Variants in ARSG observed in about 807,000 individuals in gnomAD.
ARSG encodes the protein arylsulfatase G, also known as ASG.
ARSG carries 37 observed loss-of-function variants against 50.5 expected under a neutral mutation model. The ratio of observed to expected loss-of-function variants is 0.73; its 90% confidence interval spans 0.56 to 0.96. The LOEUF (loss-of-function observed/expected upper bound fraction) is 0.96. ARSG is among the 50% of genes least tolerant of loss of function. ARSG has a pLI of 0.00. For missense variants in ARSG, 629 were observed against 675.3 expected, an observed-to-expected ratio of 0.93 and a Z score of 0.76; for synonymous variants, 225 against 254.6, an observed-to-expected ratio of 0.88 and a Z score of 1.11.
rs1330909474 is a variant in ARSG, at chr17:68,378,830, A to G, written c.983-6234A>G. Among the ~76,000 whole-genome samples, 1 of 150,142 alleles carries G rather than the reference A, an allele frequency of 6.7e-6. No homozygotes were observed. The highest frequency in any genetic ancestry group is 2.5e-5 in the African/African-American group (1 of 40,678). ...TGAATTTGGCATCCAGGCTCCTAGG[A>G]GACCTTGGTTGTTTGTAATTTGATG... On this transcript the variant is annotated intron_variant, in intron 8 of 11. Coordinates refer to ENST00000621439, the MANE Select transcript of ARSG (RefSeq NM_001267727.2). This position sits in a 1 kb window ranked among gnomAD's most constrained non-coding sequence, Gnocchi z 4.4.
At chr17:68,343,875 T>G in intron 3 of ARSG, 84 bp downstream of exon 3, 1 of 1,361,122 alleles carries the variant, frequency 7.3e-7, no homozygotes, top group Non-Finnish European at 1.0e-6. Context: ...ACTCCCTGTC[T>G]GCTTTCCTGT....
intron 6 of ARSG, among the ~76,000 whole-genome samples, chr17:68,358,976 A>C (rs1049729430): frequency 6.6e-6 from 1 of 152,124 alleles, no homozygotes; most frequent in Non-Finnish European, 1.5e-5. Context: ...ATCCTGGCTA[A>C]CACGATGAAA....
At chr17:68,359,171 A>G (rs543858228) in intron 6 of ARSG, among the ~76,000 whole-genome samples, 6 of 151,908 alleles carry the variant, frequency 3.9e-5, no homozygotes, top group Non-Finnish European at 8.8e-5. Flanking sequence ...TCAAAACGAC[A>G]ACAACAACAA....
chr17:68,414,396 A>T (rs2082240785), intron 11 of ARSG, among the ~76,000 whole-genome samples: 1 of 152,090 alleles, frequency 6.6e-6, no homozygotes, highest in Admixed American at 6.5e-5. Flanking sequence ...ATTATGGTGA[A>T]TTATCTTTTT....
At chr17:68,262,160 C>T (rs1396215956) in intron 1 of ARSG, among the ~76,000 whole-genome samples, 1 of 93,364 alleles carries the variant, frequency 1.1e-5, no homozygotes, top group Non-Finnish European at 2.0e-5. Context: ...CCATCTCAAA[C>T]GAAAACAAAC....
chr17:68,356,874 C>G, intron 6 of ARSG, 70 bp downstream of exon 6: 1 of 1,595,104 alleles, frequency 6.3e-7, no homozygotes, highest in Non-Finnish European at 8.6e-7. Context: ...CACCATGTCC[C>G]TTGGCCTCAG....
intron 2 of ARSG, among the ~76,000 whole-genome samples, chr17:68,312,175 T>C (rs2145686331): frequency 6.6e-6 from 1 of 152,206 alleles, no homozygotes; most frequent in African/African-American, 2.4e-5. Flanking sequence ...ACCTCCCTCC[T>C]AGCTCTGGAC....
At chr17:68,429,627 C>T in the ARSG span, among the ~76,000 whole-genome samples, 29 of 152,042 alleles carry the variant, frequency 1.9e-4, no homozygotes, top group African/African-American at 5.3e-4. Flanking sequence ...CTTGCTCTGT[C>T]GCCCAGGCTG....
intron 2 of ARSG, among the ~76,000 whole-genome samples, chr17:68,320,363 T>A (rs1393882584): frequency 6.6e-6 from 1 of 150,956 alleles, no homozygotes; most frequent in Non-Finnish European, 1.5e-5. Context: ...AGTCAAGAGG[T>A]CATGAGTAAA....
intron 1 of ARSG, among the ~76,000 whole-genome samples, chr17:68,260,199 G>A (rs2075050921): frequency 1.1e-4 from 16 of 152,198 alleles, no homozygotes; most frequent in Admixed American, 1.0e-3. Context: ...ACACAAGCCT[G>A]CAGCAGCCGA....
intron 7 of ARSG, among the ~76,000 whole-genome samples, chr17:68,369,825 G>T (rs761863859): frequency 2.2e-4 from 33 of 152,096 alleles, no homozygotes; most frequent in Non-Finnish European, 3.2e-4. Context: ...CAATGAGATT[G>T]CTGAAACCTT....
At chr17:68,286,982 CTTTTTG>C (rs1293929941), upstream of ARSG, among the ~76,000 whole-genome samples, 2 of 152,068 alleles carry the variant, frequency 1.3e-5, no homozygotes, top group African/African-American at 2.4e-5. Flanking sequence ...AGATGGTGGA[CTTTTTG>C]TTTTTGTTTT....
chr17:68,397,007 T>C lies in ARSG; in HGVS notation c.1212+1814T>C, dbSNP rs117552482. ...TTATTACCATGGCTGCTAGGAATAA[T>C]TGGGGTCATCAGGAAGTGCTTCAAG... On this transcript the variant is annotated intron_variant, in intron 10 of 11. Coordinates refer to ENST00000621439, the MANE Select transcript of ARSG (RefSeq NM_001267727.2). Among the ~76,000 whole-genome samples, 45 of 152,284 alleles carry C rather than the reference T, an allele frequency of 3.0e-4. No homozygotes were observed. The East Asian group carries it at 7.3e-3, about 25-fold the overall frequency.
intron 4 of ARSG, among the ~76,000 whole-genome samples, chr17:68,348,757 A>G (rs1387053417): frequency 6.6e-6 from 1 of 152,056 alleles, no homozygotes; most frequent in Non-Finnish European, 1.5e-5. Flanking sequence ...TGGAGAAGAG[A>G]TAGAATGAAG....
intron 2 of ARSG, among the ~76,000 whole-genome samples, chr17:68,334,200 G>A (rs938538966): frequency 6.6e-6 from 1 of 152,170 alleles, no homozygotes; most frequent in Non-Finnish European, 1.5e-5. Context: ...GCCAGGCCAG[G>A]CTTCCAGATG....
At chr17:68,348,778 GA>G (rs368708006) in intron 4 of ARSG, among the ~76,000 whole-genome samples, 89 of 152,236 alleles carry the variant, frequency 5.8e-4, no homozygotes, top group African/African-American at 2.1e-3. Context: ...GAGGAAGTCG[GA>G]AAAAAACTTC....
intron 8 of ARSG, among the ~76,000 whole-genome samples, chr17:68,380,231 C>G (rs2080366822): frequency 6.6e-6 from 1 of 150,588 alleles, no homozygotes; most frequent in African/African-American, 2.4e-5. Flanking sequence ...CTTCCTTTCT[C>G]TCTTTCTTTC....
In ARSG at chr17:68,307,363, T is replaced by C; in HGVS notation, c.-131T>C. On this transcript the variant is annotated 5_prime_UTR_variant, in exon 2 of 12. Transcript: ENST00000621439. ...ACTGCCATCACCACTGCCACCAGCA[T>C]CTTCTTGCAGATTCCACCCCTGCTC... The C allele has an allele frequency of 2.8e-6, 2 of 703,884 alleles. No individual in the cohort carries two copies. Among genetic ancestry groups the C allele is most frequent in the East Asian group, 5.1e-5 (2 of 39,344 alleles). The allele number at this position is 703,884 out of a possible 1,614,324, so 43.6% of individuals were successfully genotyped here.
At chr17:68,431,108 A>T in the ARSG span, among the ~76,000 whole-genome samples, 1 of 152,156 alleles carries the variant, frequency 6.6e-6, no homozygotes, top group Non-Finnish European at 1.5e-5. Flanking sequence ...GCTGGGGTTT[A>T]CAAAGAGGTG....
Sources: allele counts gnomAD v4.1 joint callset (sites outside exome capture counted in the v4.1 genomes callset), GRCh38; gene constraint gnomAD v4.1.1; non-coding constraint Gnocchi (gnomAD v3.1); transcripts MANE v1.5; gene names NCBI Gene and HGNC (gene_info 2026-07-23, HGNC 2026-07-21).